CCNH: variants seen among roughly 807,000 people sequenced by gnomAD.
CCNH encodes the protein cyclin-H.
CCNH carries 31 observed loss-of-function variants against 41.9 expected under a neutral mutation model. The observed-to-expected ratio is 0.74, with a 90% CI of 0.56 to 1.00. The LOEUF is 1.00. Among genes scored for constraint, CCNH ranks in the 50% least tolerant of loss-of-function variants. CCNH has a pLI of 0.00. For missense variants in CCNH, 362 were observed against 388.4 expected, an observed-to-expected ratio of 0.93 and a Z score of 0.57; for synonymous variants, 138 against 136.1, an observed-to-expected ratio of 1.01 and a Z score of -0.10.
chr5:87,366,769 C>T (rs543014484), intron 9 of CCNH, among the ~76,000 whole-genome samples: 112 of 152,348 alleles, frequency 7.4e-4, no homozygotes, highest in African/African-American at 2.4e-3. Context: ...CAGTGGCTCA[C>T]GCCTGTAATC....
chr5:87,327,277 C>G (rs1391129929), intron 9 of CCNH, among the ~76,000 whole-genome samples: 9 of 152,140 alleles, frequency 5.9e-5, no homozygotes, highest in Admixed American at 3.3e-4. Context: ...GGTGGCAGAG[C>G]TGGGATTCAA....
upstream of CCNH, chr5:87,379,774 A>G (rs756674425): frequency 3.1e-6 from 5 of 1,612,632 alleles, no homozygotes. Context: ...AGATGTGAAC[A>G]CTAATTTAAC....
chr5:87,364,340 T>C (rs1760343917), intron 9 of CCNH, among the ~76,000 whole-genome samples: 1 of 152,162 alleles, frequency 6.6e-6, no homozygotes, highest in Non-Finnish European at 1.5e-5. Context: ...ACATTAGTGT[T>C]ACTTGTGATT....
chr5:87,412,446 C>T (rs961623696), intron 1 of CCNH: 2 of 1,386,462 alleles, frequency 1.4e-6, no homozygotes, highest in African/African-American at 1.5e-5. Context: ...CTCTTCTTCA[C>T]TACGTTACAA....
intron 7 of CCNH, among the ~76,000 whole-genome samples, chr5:87,396,833 AAAG>A (rs1278161285): frequency 2.0e-5 from 3 of 152,202 alleles, no homozygotes; most frequent in Admixed American, 6.5e-5. Flanking sequence ...TGAAAAATGC[AAAG>A]AAGAAAAAAA....
At chr5:87,313,328 G>C in the CCNH span, among the ~76,000 whole-genome samples, 1 of 152,186 alleles carries the variant, frequency 6.6e-6, no homozygotes. Context: ...AAGAGTGATA[G>C]ATAACTACCA....
chr5:87,351,413 TG>T (rs968766255), intron 9 of CCNH, among the ~76,000 whole-genome samples: 18 of 151,718 alleles, frequency 1.2e-4, no homozygotes, highest in African/African-American at 3.9e-4. Context: ...GAGAGTTCAG[TG>T]GGGGGTGAGA....
chr5:87,407,510 T>C (rs1296307750), intron 4 of CCNH, among the ~76,000 whole-genome samples: 1 of 152,208 alleles, frequency 6.6e-6, no homozygotes, highest in East Asian at 1.9e-4. Flanking sequence ...ACGTATATTA[T>C]TGATGCCTAC....
downstream of CCNH, among the ~76,000 whole-genome samples, chr5:87,313,878 C>A (rs1293578974): frequency 1.3e-5 from 2 of 152,038 alleles, no homozygotes; most frequent in African/African-American, 4.8e-5. Context: ...TCTGAAAATG[C>A]ATGTTTGGGC....
chr5:87,383,883 A>G (rs977999869), intron 9 of CCNH: 17 of 996,080 alleles, frequency 1.7e-5, no homozygotes, highest in African/African-American at 8.3e-5. Context: ...TGATCATCCA[A>G]TTCTAGTCAT....
In CCNH at chr5:87,395,040, A is replaced by G; in HGVS notation, c.933+4T>C. 6.8e-6 allele frequency: 11 copies of G among 1,609,494 alleles called. No individual in the cohort carries two copies. Among genetic ancestry groups the G allele is most frequent in the Non-Finnish European group, 9.4e-6 (11 of 1,176,068 alleles). ...TTAGAGTTCATCTTTGGAGTAAAAC[A>G]TACCTCCTCATGTTTGGATTTCTTT... On this transcript the variant is annotated splice_donor_region_variant and intron_variant, in intron 8 of 8. Coordinates refer to ENST00000256897, the MANE Select transcript of CCNH (RefSeq NM_001239.4).
At chr5:87,338,528 TATATAAA>T (rs1210558384) in intron 9 of CCNH, among the ~76,000 whole-genome samples, 3 of 102,506 alleles carry the variant, frequency 2.9e-5, no homozygotes, top group African/African-American at 7.2e-5. Context: ...TATATATATA[TATATAAA>T]ATTTTTTTTT....
chr5:87,384,714 A>G (rs749535543), intron 9 of CCNH, among the ~76,000 whole-genome samples: 2 of 152,132 alleles, frequency 1.3e-5, no homozygotes, highest in Admixed American at 1.3e-4. Context: ...ATAGACACCA[A>G]TACTTTTCAT....
rs1226738933 is a variant in CCNH, at chr5:87,377,054, A to G, written n.127T>C. 3.7e-6 allele frequency: 6 copies of G among 1,609,582 alleles called. No homozygotes were observed. The highest frequency in any genetic ancestry group is 2.7e-5 in the African/African-American group (2 of 74,814). ...TAAGCATGGAAGGTATGGTATGGCC[A>G]TGTTAGTGTGATACAAGAAACTGGG... On this transcript the variant is annotated non_coding_transcript_exon_variant, in exon 1 of 1. Coordinates refer to the CCNH transcript ENST00000607486.
At chr5:87,402,560 T>C (rs1460730809) in intron 5 of CCNH, among the ~76,000 whole-genome samples, 1 of 152,148 alleles carries the variant, frequency 6.6e-6, no homozygotes, top group African/African-American at 2.4e-5. Flanking sequence ...TTGGGGGTAA[T>C]AGTTAGAAAA....
upstream of CCNH, chr5:87,379,592 C>G: frequency 8.6e-7 from 1 of 1,162,670 alleles, no homozygotes; most frequent in Non-Finnish European, 1.2e-6. Context: ...TTAAAAACTC[C>G]CATTATACAA....
At chr5:87,347,091 G>C (rs965430152) in intron 9 of CCNH, among the ~76,000 whole-genome samples, 5 of 151,852 alleles carry the variant, frequency 3.3e-5, no homozygotes, top group South Asian at 4.2e-4. Context: ...TATATATTGG[G>C]AGATGATTCT....
intron 9 of CCNH, among the ~76,000 whole-genome samples, chr5:87,383,197 T>C (rs908380696): frequency 1.3e-5 from 2 of 152,212 alleles, no homozygotes; most frequent in African/African-American, 4.8e-5. Context: ...AATGGATTCT[T>C]ATTTTTATGT....
rs977456853 is a variant in CCNH at position 87,408,137 on chromosome 5, T to A, written c.364A>T (p.Ser122Cys). 2 of 1,612,340 alleles carry A rather than the reference T, an allele frequency of 1.2e-6. No individual in the cohort carries two copies. Among genetic ancestry groups the A allele is most frequent in the African/African-American group, 2.7e-5 (2 of 74,668 alleles). ...ACKVDEFNVSSPQFVGNLRES... is the reference protein window; with the variant it reads ...ACKVDEFNVSCPQFVGNLRES... ...CGGAGGTTTCCAACAAACTGAGGACTAGATACATTGAATTCATCTACTTTG... is the reference window on the plus strand; with the variant it reads ...CGGAGGTTTCCAACAAACTGAGGACAAGATACATTGAATTCATCTACTTTG... The change falls in exon 4 of 9, where the codon AGT becomes TGT. Residue 122 changes from serine to cysteine, a missense_variant. Ser to Cys is a moderately radical substitution (Grantham distance 112). Coordinates refer to ENST00000256897, the MANE Select transcript of CCNH (RefSeq NM_001239.4).
Sources: gnomAD v4.1 joint callset for allele counts (sites outside exome capture counted in the v4.1 genomes callset) on GRCh38, gnomAD v4.1.1 for gene constraint, MANE v1.5 for transcripts, NCBI Gene and HGNC (gene_info 2026-07-23, HGNC 2026-07-21) for gene names.